The following MTAP variants were observed in gnomAD, a reference collection of about 807,000 sequenced individuals.
MTAP encodes methylthioadenosine phosphorylase.
MTAP carries 33 observed loss-of-function variants against 33.6 expected under a neutral mutation model. The ratio of observed to expected loss-of-function variants is 0.98; its 90% confidence interval spans 0.74 to 1.31. The LOEUF is 1.31. MTAP is among the 40% of genes most tolerant of loss of function. The probability of loss-of-function intolerance (pLI) is 0.00; values close to 1 mark genes in which losing one functional copy is unlikely to be tolerated. For missense variants in MTAP, 367 were observed against 360.0 expected (o/e 1.02, Z -0.16); for synonymous variants, 148 against 125.7 (o/e 1.18, Z -1.19).
chr9:21,808,602 A>C (rs1484741225), intron 1 of MTAP, among the ~76,000 whole-genome samples: 1 of 112,826 alleles, frequency 8.9e-6, no homozygotes, highest in Non-Finnish European at 1.8e-5. Flanking sequence ...CAAAAAAAAA[A>C]AAAACACACA....
At chr9:21,921,465 T>C (rs774999623) in intron 1 of MTAP, among the ~76,000 whole-genome samples, 14 of 152,202 alleles carry the variant, frequency 9.2e-5, no homozygotes, top group Non-Finnish European at 1.0e-4. Context: ...TCTAGCTCCC[T>C]GAGGTGCATC....
intron 1 of MTAP, among the ~76,000 whole-genome samples, chr9:21,912,537 G>A (rs1370834187): frequency 6.6e-6 from 1 of 152,118 alleles, no homozygotes; most frequent in Non-Finnish European, 1.5e-5. Flanking sequence ...AAAACCACAT[G>A]ATTATCTCAA....
intron 1 of MTAP, among the ~76,000 whole-genome samples, chr9:21,900,844 G>C (rs978108622): frequency 7.9e-5 from 12 of 152,156 alleles, no homozygotes; most frequent in Non-Finnish European, 4.4e-5. Flanking sequence ...CCATGAGAAA[G>C]AACAAAATAA....
chr9:21,812,678 G>A (rs1376913481), intron 1 of MTAP, among the ~76,000 whole-genome samples: 1 of 152,190 alleles, frequency 6.6e-6, no homozygotes, highest in Non-Finnish European at 1.5e-5. Flanking sequence ...TCAGATACCT[G>A]GAGTCACTGT....
chr9:21,938,016 T>C (rs1819068324), downstream of MTAP, among the ~76,000 whole-genome samples: 1 of 152,170 alleles, frequency 6.6e-6, no homozygotes, highest in South Asian at 2.1e-4. Context: ...CTCATGCCTG[T>C]AATCCTAGCA....
chr9:21,893,574 A>G (rs1040763389), intron 1 of MTAP: 1 of 152,198 alleles, frequency 6.6e-6, no homozygotes, highest in African/African-American at 2.4e-5. Context: ...GGACATTACC[A>G]TCAACCCCAC....
At chr9:21,840,423 C>T (rs1362428239) in intron 5 of MTAP, among the ~76,000 whole-genome samples, 1 of 152,172 alleles carries the variant, frequency 6.6e-6, no homozygotes, top group Non-Finnish European at 1.5e-5. Flanking sequence ...AAACTGAGTT[C>T]CCAAAGTGTG....
chr9:21,935,611 G>C (rs569282631), downstream of MTAP: 1 of 152,026 alleles, frequency 6.6e-6, no homozygotes, highest in Non-Finnish European at 1.5e-5. Flanking sequence ...GATAAATTTT[G>C]CATACTTTAT....
intron 1 of MTAP, among the ~76,000 whole-genome samples, chr9:21,808,036 C>A (rs1417238835): frequency 6.6e-6 from 1 of 152,198 alleles, no homozygotes; most frequent in African/African-American, 2.4e-5. Context: ...GCATTCATAT[C>A]ACCTGGTCAT....
chr9:21,846,106 A>T (rs1219197852), intron 5 of MTAP, among the ~76,000 whole-genome samples: 7 of 152,230 alleles, frequency 4.6e-5, no homozygotes, highest in African/African-American at 1.4e-4. Context: ...TATAAAAATC[A>T]ATGCAAGATG....
Position 21,864,204 on chromosome 9 carries a change from A to C in MTAP, c.*2190A>C, listed in dbSNP as rs1189851827. 8.1e-6 allele frequency: 8 copies of C among 985,398 alleles called. No homozygotes were observed. Among genetic ancestry groups the C allele is most frequent in the Non-Finnish European group, 9.6e-6 (8 of 829,906 alleles). 61.0% of individuals were successfully genotyped at this position (985,398 alleles called of 1,614,324 possible). Reference sequence around the variant, plus strand: ...TCTCTAGCAACATCATTTTCAGACTAACTAAATGAATGCAGTATACTCTTT... The same window carrying C: ...TCTCTAGCAACATCATTTTCAGACTCACTAAATGAATGCAGTATACTCTTT... On this transcript the variant is annotated 3_prime_UTR_variant, in exon 8 of 8. Transcript: ENST00000644715.
At chr9:21,822,593 G>T (rs1374768531) in intron 4 of MTAP, among the ~76,000 whole-genome samples, 3 of 152,198 alleles carry the variant, frequency 2.0e-5, no homozygotes, top group Non-Finnish European at 4.4e-5. Context: ...GTGCCGAGAA[G>T]AATGTATATT....
intron 5 of MTAP, among the ~76,000 whole-genome samples, chr9:21,845,722 A>G (rs985811593): frequency 3.9e-5 from 6 of 152,192 alleles, no homozygotes; most frequent in Non-Finnish European, 5.9e-5. Flanking sequence ...AGTTTCCTTC[A>G]GAATACCACC....
intron 4 of MTAP, among the ~76,000 whole-genome samples, chr9:21,821,882 A>T (rs888457935): frequency 6.6e-5 from 10 of 152,140 alleles, no homozygotes; most frequent in African/African-American, 2.2e-4. Flanking sequence ...CCAGGAATTT[A>T]TCCATTTCTT....
At chr9:21,887,838 T>C (rs1023395039) in intron 1 of MTAP, among the ~76,000 whole-genome samples, 1 of 152,192 alleles carries the variant, frequency 6.6e-6, no homozygotes, top group Non-Finnish European at 1.5e-5. Context: ...TGTAGAGAGC[T>C]TTCACGTCCT....
chr9:21,821,336 G>C (rs978380407), intron 4 of MTAP, among the ~76,000 whole-genome samples: 1 of 152,132 alleles, frequency 6.6e-6, no homozygotes, highest in African/African-American at 2.4e-5. Context: ...TAGCATGAAG[G>C]GCTGTTGAAT....
At chr9:21,810,876 C>T (rs1321626500) in intron 1 of MTAP, among the ~76,000 whole-genome samples, 1 of 152,092 alleles carries the variant, frequency 6.6e-6, no homozygotes. Context: ...CCCTGTGGAC[C>T]CTATTGCAGG....
At chr9:21,940,609 C>A (rs937214267), downstream of MTAP, among the ~76,000 whole-genome samples, 1 of 152,080 alleles carries the variant, frequency 6.6e-6, no homozygotes. Context: ...TCCTCATGTT[C>A]AATAATTTAC....
intron 1 of MTAP, among the ~76,000 whole-genome samples, chr9:21,921,676 C>T (rs902534325): frequency 6.6e-6 from 1 of 152,174 alleles, no homozygotes. Flanking sequence ...ATATGCCTCT[C>T]TTAAAGACTT....
Sources: allele counts gnomAD v4.1 joint callset (sites outside exome capture counted in the v4.1 genomes callset), GRCh38; gene constraint gnomAD v4.1.1; transcripts MANE v1.5; gene names NCBI Gene and HGNC (gene_info 2026-07-23, HGNC 2026-07-21).